The following SYT2 variants were observed in gnomAD, a reference collection of about 807,000 sequenced individuals.
SYT2 encodes synaptotagmin-2.
Under a neutral mutation model 39.9 loss-of-function variants are expected in SYT2, and 15 were observed. The observed-to-expected ratio is 0.38, with a 90% confidence interval of 0.25 to 0.58. SYT2 has a LOEUF of 0.58. Ranked by LOEUF, SYT2 falls within the 20% of genes least tolerant of loss-of-function variation. The pLI, the probability that SYT2 is intolerant of heterozygous loss-of-function variation, is 0.70. For synonymous variants in SYT2, 181 were observed against 204.5 expected, an observed-to-expected ratio of 0.89 and a Z score of 0.98; for missense variants, 389 against 530.3, an observed-to-expected ratio of 0.73 and a Z score of 2.62.
chr1:202,691,113 T>C (rs1228286887), intron 1 of SYT2, among the ~76,000 whole-genome samples: 3 of 152,198 alleles, frequency 2.0e-5, no homozygotes, highest in Non-Finnish European at 2.9e-5. Flanking sequence ...GAAGGGAGCT[T>C]AAAAGCAGGA....
intron 1 of SYT2, among the ~76,000 whole-genome samples, chr1:202,634,573 CT>C (rs1248567764): frequency 1.3e-5 from 2 of 152,262 alleles, no homozygotes; most frequent in Non-Finnish European, 2.9e-5. Flanking sequence ...TACGAAAACC[CT>C]TCCACAAATG....
chr1:202,638,495 C>G (rs1691809519), intron 1 of SYT2, among the ~76,000 whole-genome samples: 1 of 152,238 alleles, frequency 6.6e-6, no homozygotes, highest in African/African-American at 2.4e-5. Flanking sequence ...GGAGGCCTTT[C>G]TGCAAAAGCT....
At chr1:202,687,075 G>A (rs1653686489) in intron 1 of SYT2, among the ~76,000 whole-genome samples, 1 of 152,086 alleles carries the variant, frequency 6.6e-6, no homozygotes, top group Non-Finnish European at 1.5e-5. Flanking sequence ...TTTGTGAAGG[G>A]AAAGGGCTGT....
chr1:202,601,898 T>C lies in SYT2; in HGVS notation c.793A>G (p.Lys265Glu), dbSNP rs1159449771. The part of the protein sequence containing the change: ...EEWRDLQGGE[K>E]EEPEKLGDIC... ...CTCATCTCTGCTCTTACCTCCTCCT[T>C]TTCCCCGCCTTGCAGGTCTCTCCAC... Residue 265 changes from lysine (K) to glutamate (E), a missense_variant, in exon 6 of 9, where the codon AAG (lysine) becomes GAG (glutamate). Lys to Glu is a moderately conservative substitution (Grantham distance 56). Transcript: ENST00000367268. This position sits in a 1 kb window ranked among gnomAD's most constrained non-coding sequence, Gnocchi z 4.0. 9 of 1,613,888 alleles carry C rather than the reference T, an allele frequency of 5.6e-6. No homozygotes were observed. The highest frequency in any genetic ancestry group is 6.8e-6 in the Non-Finnish European group (8 of 1,179,904).
intron 1 of SYT2, among the ~76,000 whole-genome samples, chr1:202,607,469 C>T (rs568510594): frequency 2.0e-5 from 3 of 152,266 alleles, no homozygotes; most frequent in Admixed American, 6.5e-5. Context: ...TCTCACTGCA[C>T]GTTAGGTATG....
intron 1 of SYT2, among the ~76,000 whole-genome samples, chr1:202,626,108 C>T (rs1034674500): frequency 6.6e-6 from 1 of 152,114 alleles, no homozygotes; most frequent in South Asian, 2.1e-4. Flanking sequence ...CTGGGGGTCT[C>T]GGGCCACACC....
intron 1 of SYT2, among the ~76,000 whole-genome samples, chr1:202,640,034 G>A (rs10920431): frequency 6.6e-6 from 1 of 152,200 alleles, no homozygotes; most frequent in African/African-American, 2.4e-5. Flanking sequence ...GCTCAGAGAG[G>A]TTGGTAATTT....
At chr1:202,605,452 G>C in intron 2 of SYT2, 143 bp downstream of exon 2, 1 of 695,174 alleles carries the variant, frequency 1.4e-6, no homozygotes, top group South Asian at 2.5e-5. Flanking sequence ...CCCGATTCCT[G>C]CAGGGGCTCT....
chr1:202,654,494 T>C (rs10920443), intron 1 of SYT2, among the ~76,000 whole-genome samples: 25,136 of 152,198 alleles, frequency 0.17, 2,864 homozygotes, highest in East Asian at 0.55. Context: ...CATTCATCCA[T>C]TCAACAATCT....
chr1:202,651,477 T>C (rs775775309), intron 1 of SYT2, among the ~76,000 whole-genome samples: 2 of 151,942 alleles, frequency 1.3e-5, no homozygotes, highest in Admixed American at 6.5e-5. Context: ...AGAAAGGAGG[T>C]TGGGCAGAAG....
At chr1:202,633,099 A>G (rs1483535673) in intron 1 of SYT2, among the ~76,000 whole-genome samples, 1 of 152,224 alleles carries the variant, frequency 6.6e-6, no homozygotes, top group Non-Finnish European at 1.5e-5. Context: ...CTGCCAGGTT[A>G]GATTTGCAGA....
chr1:202,598,944 C>G (rs938170082), intron 8 of SYT2, among the ~76,000 whole-genome samples: 2 of 152,184 alleles, frequency 1.3e-5, no homozygotes, highest in Non-Finnish European at 2.9e-5. Flanking sequence ...TTGCTATACC[C>G]CCATACATCT....
At chr1:202,670,212 T>C (rs1290739266) in intron 1 of SYT2, among the ~76,000 whole-genome samples, 1 of 152,120 alleles carries the variant, frequency 6.6e-6, no homozygotes, top group Non-Finnish European at 1.5e-5. Flanking sequence ...TGAGGTCCCA[T>C]GAGTGACCCG....
At chr1:202,679,357 A>C (rs10800855) in intron 1 of SYT2, among the ~76,000 whole-genome samples, 82,672 of 151,910 alleles carry the variant, frequency 0.54, 24,476 homozygotes, top group East Asian at 0.79. Context: ...CCCAAAGGTA[A>C]CTCAAACTCC....
At chr1:202,681,690 G>A (rs1370354388) in intron 1 of SYT2, among the ~76,000 whole-genome samples, 1 of 152,138 alleles carries the variant, frequency 6.6e-6, no homozygotes, top group Non-Finnish European at 1.5e-5. Flanking sequence ...TCCTCAGATG[G>A]CTGCTTGGAT....
At chr1:202,637,360 T>TGAAAACCAAAACC (rs754061737) in intron 1 of SYT2, among the ~76,000 whole-genome samples, 1 of 151,830 alleles carries the variant, frequency 6.6e-6, no homozygotes, top group Non-Finnish European at 1.5e-5. Flanking sequence ...TCAAAAAACC[T>TGAAAACCAAAACC]GAAAACCAAA....
At chr1:202,687,678 A>AG (rs1653706104) in intron 1 of SYT2, among the ~76,000 whole-genome samples, 1 of 151,668 alleles carries the variant, frequency 6.6e-6, no homozygotes, top group Non-Finnish European at 1.5e-5. Context: ...AAAAAAAAAA[A>AG]AAAAAAGAAA....
At chr1:202,620,119 C>A (rs1691164395) in intron 1 of SYT2, among the ~76,000 whole-genome samples, 1 of 152,198 alleles carries the variant, frequency 6.6e-6, no homozygotes. Flanking sequence ...AGGGGTAGAC[C>A]AGAAACAAGG....
intron 1 of SYT2, among the ~76,000 whole-genome samples, chr1:202,609,567 T>G (rs1040975661): frequency 3.3e-5 from 5 of 152,244 alleles, no homozygotes; most frequent in African/African-American, 1.2e-4. Context: ...TCCTGACTTT[T>G]TAATGATCGC....
Sources: allele counts gnomAD v4.1 joint callset (sites outside exome capture counted in the v4.1 genomes callset), GRCh38; gene constraint gnomAD v4.1.1; non-coding constraint Gnocchi (gnomAD v3.1); transcripts MANE v1.5; gene names NCBI Gene and HGNC (gene_info 2026-07-23, HGNC 2026-07-21).